Variants in CDH8 observed in about 807,000 individuals in gnomAD.
The protein encoded by CDH8 is cadherin-8.
In CDH8, 17 loss-of-function variants were observed where a neutral mutation model predicts 68.1. That is an observed-to-expected ratio of 0.25 (90% CI 0.17 to 0.37). CDH8 has a LOEUF of 0.37. Ranked by LOEUF, CDH8 falls within the 10% of genes least tolerant of loss-of-function variation. The pLI is 1.00. For synonymous variants in CDH8, 372 were observed against 365.1 expected (o/e 1.02, Z -0.21); for missense variants, 763 against 999.3 (o/e 0.76, Z 3.19).
chr16:61,817,766 C>T (rs1336312958), intron 6 of CDH8, 34 bp from the exon 7 acceptor site: 2 of 1,529,590 alleles, frequency 1.3e-6, no homozygotes, highest in Admixed American at 2.2e-5. Context: ...ATGCTTCTCA[C>T]TAATGACCAC....
chr16:61,767,670 G>T (rs1211785732), intron 8 of CDH8, among the ~76,000 whole-genome samples: 3 of 151,836 alleles, frequency 2.0e-5, no homozygotes, highest in Non-Finnish European at 4.4e-5. Context: ...GAGATTTAGG[G>T]TTTTGTCCTC....
intron 2 of CDH8, among the ~76,000 whole-genome samples, chr16:61,985,918 C>CTTTTTTTTTTT (rs71134380): frequency 5.5e-5 from 5 of 91,110 alleles, no homozygotes; most frequent in African/African-American, 1.3e-4. Flanking sequence ...CCTTTCTTTA[C>CTTTTTTTTTTT]TTTTTTTTTT....
At position 61,956,178 on chromosome 16, in the gene CDH8, T is replaced by C. The variant is rs183856829; in HGVS notation, c.253-54705A>G. On this transcript the variant is annotated intron_variant, in intron 2 of 11. Coordinates refer to ENST00000577390, the MANE Select transcript of CDH8 (RefSeq NM_001796.5). ...GTAAACTAGTTGTCAAAAATTTGTATACACACACTATAGAAACACTCATAT... is the reference window on the plus strand; with the variant it reads ...GTAAACTAGTTGTCAAAAATTTGTACACACACACTATAGAAACACTCATAT... Among the ~76,000 whole-genome samples, 16 of 152,280 alleles carry C rather than the reference T, an allele frequency of 1.1e-4. No homozygotes were observed. The East Asian group carries it at 3.1e-3, about 29-fold the overall frequency.
At chr16:61,799,067 C>T (rs2142996503) in intron 7 of CDH8, among the ~76,000 whole-genome samples, 1 of 152,218 alleles carries the variant, frequency 6.6e-6, no homozygotes, top group Non-Finnish European at 1.5e-5. Context: ...CTCATGATGA[C>T]CTTGATCCTC....
Position 61,652,715 on chromosome 16 carries a change from T to G in CDH8, c.*893A>C. On this transcript the variant is annotated 3_prime_UTR_variant, in exon 12 of 12. Coordinates refer to ENST00000577390, the MANE Select transcript of CDH8 (RefSeq NM_001796.5). ...CCATATATCCCCTTAATCTATAGAT[T>G]ACCGACCTTAATAAATAAAAGCATT... 7.8e-7 allele frequency: 1 copy of G among 1,285,480 alleles called. No individual in the cohort carries two copies. Among genetic ancestry groups the G allele is most frequent in the Non-Finnish European group, 9.8e-7 (1 of 1,015,328 alleles). 79.6% of individuals were successfully genotyped at this position (1,285,480 alleles called of 1,614,324 possible). A position where few individuals can be genotyped will look rare whatever the true frequency, so the allele number is the denominator to read the frequency against.
intron 2 of CDH8, among the ~76,000 whole-genome samples, chr16:61,968,334 T>G (rs1965287425): frequency 6.6e-6 from 1 of 152,156 alleles, no homozygotes; most frequent in Admixed American, 6.5e-5. Context: ...GTGTCAAGTT[T>G]TTCCCACTCT....
At chr16:61,813,817 T>C (rs1199692553) in intron 7 of CDH8, among the ~76,000 whole-genome samples, 1 of 152,106 alleles carries the variant, frequency 6.6e-6, no homozygotes, top group Non-Finnish European at 1.5e-5. Flanking sequence ...ACTAGAAGTG[T>C]TAGAGAATGA....
At chr16:61,774,293 C>T (rs141188057) in intron 8 of CDH8, among the ~76,000 whole-genome samples, 6 of 151,870 alleles carry the variant, frequency 4.0e-5, no homozygotes, top group Admixed American at 6.6e-5. Context: ...AGACAGGGGA[C>T]GCGAGGCTCC....
At chr16:61,656,689 G>C (rs1166760968) in intron 10 of CDH8, among the ~76,000 whole-genome samples, 2 of 152,176 alleles carry the variant, frequency 1.3e-5, no homozygotes, top group Non-Finnish European at 2.9e-5. Flanking sequence ...CCATTTTGCA[G>C]GTGTCGGTTA....
At chr16:61,666,212 A>G (rs77281713) in intron 10 of CDH8, among the ~76,000 whole-genome samples, 4,187 of 128,766 alleles carry the variant, frequency 0.033, 99 homozygotes, top group Non-Finnish European at 0.049. Context: ...GTGTGTATAT[A>G]TATATATATG....
At position 62,016,078 on chromosome 16, in the gene CDH8, T is replaced by C. The variant is rs1052222980; in HGVS notation, c.252+5074A>G. Among the ~76,000 whole-genome samples, 3 of 152,312 alleles carry C rather than the reference T, an allele frequency of 2.0e-5. No individual in the cohort carries two copies. The East Asian group carries it at 5.8e-4, about 29-fold the overall frequency. On this transcript the variant is annotated intron_variant, in intron 2 of 11. Coordinates refer to ENST00000577390, the MANE Select transcript of CDH8 (RefSeq NM_001796.5). The stretch of plus-strand genomic sequence containing the variant: ...AAAATGCTCTTTTTCTCTTTATCCC[T>C]GAACCCTGGTTCAACAACAGGTTAA...
At chr16:61,925,390 T>A (rs780779911) in intron 2 of CDH8, among the ~76,000 whole-genome samples, 2 of 152,182 alleles carry the variant, frequency 1.3e-5, no homozygotes, top group Non-Finnish European at 2.9e-5. Context: ...TAAGAATTAA[T>A]CTCAATAAAA....
At chr16:61,872,941 G>A (rs1404779969) in intron 3 of CDH8, among the ~76,000 whole-genome samples, 1 of 152,188 alleles carries the variant, frequency 6.6e-6, no homozygotes, top group Non-Finnish European at 1.5e-5. Flanking sequence ...AAGTTAATTA[G>A]CACCTGCATT....
In CDH8 at chr16:61,647,516, G is replaced by C. The variant is rs533573338; in HGVS notation, c.*6092C>G. On this transcript the variant is annotated 3_prime_UTR_variant, in exon 12 of 12. Transcript: ENST00000577390. ...TCCTAAATTGTCATGTTCCATCTTA[G>C]AGCATAATTGTTAAAATCTTCCTCT... is the stretch of plus-strand genomic sequence containing the variant. The C allele has an allele frequency of 2.6e-4, 93 of 362,672 alleles. No homozygotes were observed. The highest frequency in any genetic ancestry group is 1.8e-3 in the African/African-American group (87 of 47,148). The allele number at this position is 362,672 out of a possible 1,614,324, so 22.5% of individuals were successfully genotyped here.
intron 1 of CDH8, among the ~76,000 whole-genome samples, chr16:62,033,561 T>C (rs1160172688): frequency 6.6e-6 from 1 of 152,234 alleles, no homozygotes; most frequent in African/African-American, 2.4e-5. Context: ...GAAGCACTGA[T>C]TTCTAACAGT....
At chr16:61,988,631 T>C (rs1965666582) in intron 2 of CDH8, among the ~76,000 whole-genome samples, 1 of 152,122 alleles carries the variant, frequency 6.6e-6, no homozygotes, top group African/African-American at 2.4e-5. Flanking sequence ...GTTCAGATGA[T>C]AGAGGATCCT....
chr16:61,762,529 T>C (rs1392284228), intron 8 of CDH8, among the ~76,000 whole-genome samples: 2 of 152,140 alleles, frequency 1.3e-5, no homozygotes, highest in South Asian at 2.1e-4. Flanking sequence ...TCCAGGTCAA[T>C]GGTTTGCAAC....
intron 2 of CDH8, among the ~76,000 whole-genome samples, chr16:62,007,154 C>G (rs559917826): frequency 3.3e-5 from 5 of 152,252 alleles, no homozygotes; most frequent in Admixed American, 3.3e-4. Context: ...GATCCACCCA[C>G]CTCGGCCTCC....
At chr16:61,665,785 TTCCTTCCTTC>T (rs1963659919) in intron 10 of CDH8, among the ~76,000 whole-genome samples, 1 of 137,896 alleles carries the variant, frequency 7.3e-6, no homozygotes, top group Admixed American at 7.3e-5. Flanking sequence ...CCTTCCTTCC[TTCCTTCCTTC>T]CTTCCTTCCT....
Sources: allele counts gnomAD v4.1 joint callset (sites outside exome capture counted in the v4.1 genomes callset), GRCh38; gene constraint gnomAD v4.1.1; transcripts MANE v1.5; gene names NCBI Gene and HGNC (gene_info 2026-07-23, HGNC 2026-07-21).